MME: variants seen among roughly 807,000 people sequenced by gnomAD.
MME encodes membrane metalloendopeptidase.
In MME, 98 loss-of-function variants were observed where a neutral mutation model predicts 113.2. That is an observed-to-expected ratio of 0.87 (90% CI 0.74 to 1.02). MME has a LOEUF of 1.02. MME is among the 50% of genes least tolerant of loss of function. The pLI, the probability that MME is intolerant of heterozygous loss-of-function variation, is 0.00. For synonymous variants in MME, 292 were observed against 300.6 expected, an observed-to-expected ratio of 0.97 and a Z score of 0.30; for missense variants, 836 against 896.0, an observed-to-expected ratio of 0.93 and a Z score of 0.86.
chr3:155,180,334 G>A (rs577883428), intron 22 of MME, 26 bp from the exon 23 acceptor site: 18 of 1,567,260 alleles, frequency 1.1e-5, no homozygotes, highest in East Asian at 9.0e-5. Flanking sequence ...AAATGCTGAC[G>A]GTGACTTTTT....
intron 14 of MME, among the ~76,000 whole-genome samples, chr3:155,145,865 G>C (rs1321499729): frequency 6.6e-6 from 1 of 152,102 alleles, no homozygotes; most frequent in African/African-American, 2.4e-5. Flanking sequence ...GGGCTGGATT[G>C]TCATGACTGA....
intron 3 of MME, among the ~76,000 whole-genome samples, chr3:155,094,090 C>T (rs1250208264): frequency 6.6e-6 from 1 of 152,108 alleles, no homozygotes; most frequent in East Asian, 1.9e-4. Flanking sequence ...AATATAAATT[C>T]CAACAACTGA....
chr3:155,160,611 T>G (rs532343567), intron 17 of MME, among the ~76,000 whole-genome samples, 163 bp downstream of exon 17: 1 of 152,258 alleles, frequency 6.6e-6, no homozygotes, highest in African/African-American at 2.4e-5. Flanking sequence ...GTACCTTCTT[T>G]CACTATAGTG....
At chr3:155,171,096 C>G (rs535899164) in intron 20 of MME, among the ~76,000 whole-genome samples, 7 of 152,248 alleles carry the variant, frequency 4.6e-5, no homozygotes, top group African/African-American at 1.7e-4. Flanking sequence ...GCTATAAAAT[C>G]CAGCCAAAGT....
At chr3:155,174,850 A>G (rs1216606591) in intron 22 of MME, among the ~76,000 whole-genome samples, 1 of 152,074 alleles carries the variant, frequency 6.6e-6, no homozygotes, top group Non-Finnish European at 1.5e-5. Context: ...CATAAAAACC[A>G]CCATGCAACC....
chr3:155,165,414 T>C (rs1723026121), intron 17 of MME, among the ~76,000 whole-genome samples: 1 of 151,988 alleles, frequency 6.6e-6, no homozygotes, highest in Non-Finnish European at 1.5e-5. Flanking sequence ...TGAGAGTATA[T>C]ATTATAAGAG....
At chr3:155,097,331 A>C (rs1247170551) in intron 3 of MME, among the ~76,000 whole-genome samples, 2 of 152,210 alleles carry the variant, frequency 1.3e-5, no homozygotes, top group African/African-American at 4.8e-5. Context: ...ACATTTAAAA[A>C]TGAGAAGAGG....
intron 1 of MME, chr3:155,081,018 C>T (rs1377834331): frequency 1.3e-5 from 2 of 152,156 alleles, no homozygotes; most frequent in African/African-American, 4.8e-5. Flanking sequence ...GTCCAGAACT[C>T]CGTATTTCAG....
chr3:155,047,829 C>T (rs754240424), intron 1 of MME, among the ~76,000 whole-genome samples: 48 of 152,032 alleles, frequency 3.2e-4, no homozygotes, highest in Admixed American at 5.9e-4. Context: ...GAAGCCAGTC[C>T]GATTCAGGCA....
chr3:155,077,080 A>C (rs918138111), upstream of MME, among the ~76,000 whole-genome samples: 1 of 152,122 alleles, frequency 6.6e-6, no homozygotes, highest in Admixed American at 6.6e-5. Context: ...TCAGCCCAGC[A>C]GGTCTCAGCC....
At chr3:155,106,673 G>A (rs1717716419) in intron 3 of MME, among the ~76,000 whole-genome samples, 1 of 152,160 alleles carries the variant, frequency 6.6e-6, no homozygotes, top group Non-Finnish European at 1.5e-5. Flanking sequence ...GATGGTGGGA[G>A]GAGGGTGGCA....
At chr3:155,161,238 G>A (rs1029330007) in intron 17 of MME, among the ~76,000 whole-genome samples, 1 of 151,686 alleles carries the variant, frequency 6.6e-6, no homozygotes, top group African/African-American at 2.4e-5. Context: ...GCATTAGAAA[G>A]GTACTCAACT....
Position 155,138,941 on chromosome 3 carries a change from G to A in MME, c.855+705G>A, listed in dbSNP as rs192153872. On this transcript the variant is annotated intron_variant, in intron 9 of 22. Transcript: ENST00000360490. ...TCAGAGTCAGTCTAGGACCCACAGA[G>A]TTCTCTTTGTCATTGCAAACGACAA... Among the ~76,000 whole-genome samples the A allele has an allele frequency of 1.3e-3, 195 of 152,118 alleles. 2 individuals carry two copies. Among genetic ancestry groups the A allele is most frequent in the African/African-American group, 4.2e-3 (175 of 41,508 alleles).
intron 14 of MME, among the ~76,000 whole-genome samples, chr3:155,144,988 T>A (rs1721394535): frequency 6.6e-6 from 1 of 152,210 alleles, no homozygotes; most frequent in Non-Finnish European, 1.5e-5. Flanking sequence ...GTAGTTAGGT[T>A]GGCAGAAAAA....
chr3:155,117,216 A>T (rs1277501534), intron 7 of MME, among the ~76,000 whole-genome samples: 1 of 152,100 alleles, frequency 6.6e-6, no homozygotes, highest in East Asian at 1.9e-4. Context: ...TGTTTTAGAT[A>T]CCTCTCCCTT....
At chr3:155,060,377 A>G (rs187848346) in intron 1 of MME, among the ~76,000 whole-genome samples, 1 of 152,320 alleles carries the variant, frequency 6.6e-6, no homozygotes, top group East Asian at 1.9e-4. Flanking sequence ...CAGGTAATTA[A>G]GGGTAAATAT....
chr3:155,127,106 G>A (rs1719743103), intron 8 of MME, among the ~76,000 whole-genome samples: 2 of 151,712 alleles, frequency 1.3e-5, no homozygotes, highest in East Asian at 1.9e-4. Context: ...TTGACTTATC[G>A]GCTCCTGTAG....
intron 8 of MME, among the ~76,000 whole-genome samples, chr3:155,133,705 T>A (rs1000359386): frequency 6.9e-6 from 1 of 145,108 alleles, no homozygotes; most frequent in African/African-American, 2.5e-5. Context: ...ATATATAGTG[T>A]GTGTATATAT....
At chr3:155,132,996 G>A (rs1449001871) in intron 8 of MME, among the ~76,000 whole-genome samples, 1 of 131,320 alleles carries the variant, frequency 7.6e-6, no homozygotes, top group Non-Finnish European at 1.5e-5. Context: ...AGCCGAGATT[G>A]CACCATTGCA....
Sources: gnomAD v4.1 joint callset for allele counts (sites outside exome capture counted in the v4.1 genomes callset) on GRCh38, gnomAD v4.1.1 for gene constraint, MANE v1.5 for transcripts, NCBI Gene and HGNC (gene_info 2026-07-23, HGNC 2026-07-21) for gene names.